Variants in CMSS1 observed in about 807,000 individuals in gnomAD.
CMSS1 encodes cms1 ribosomal small subunit homolog.
A neutral mutation model predicts 43.5 loss-of-function variants in CMSS1; 33 were observed. That is an observed-to-expected ratio of 0.76 (90% CI 0.57 to 1.01). The LOEUF is 1.01. Ranked by LOEUF, CMSS1 falls within the 50% of genes least tolerant of loss-of-function variation. CMSS1 has a pLI of 0.00. For missense variants in CMSS1, 313 were observed against 326.4 expected, an observed-to-expected ratio of 0.96 and a Z score of 0.32; for synonymous variants, 115 against 117.2, an observed-to-expected ratio of 0.98 and a Z score of 0.12.
intron 1 of CMSS1, among the ~76,000 whole-genome samples, chr3:100,004,791 CT>C (rs1709942116): frequency 6.6e-6 from 1 of 152,156 alleles, no homozygotes; most frequent in African/African-American, 2.4e-5. Context: ...ATTCTGGCTT[CT>C]GAGCTAGTCT....
intron 1 of CMSS1, among the ~76,000 whole-genome samples, chr3:99,886,504 G>A (rs1705902286): frequency 6.6e-6 from 1 of 152,168 alleles, no homozygotes; most frequent in African/African-American, 2.4e-5. Context: ...TGGGTCACTT[G>A]CAACCCATGG....
At chr3:99,978,724 G>A (rs181344269) in intron 1 of CMSS1, among the ~76,000 whole-genome samples, 5 of 152,112 alleles carry the variant, frequency 3.3e-5, no homozygotes, top group East Asian at 1.9e-4. Flanking sequence ...GCAAAACCCC[G>A]CCTCTTCTAA....
chr3:100,132,952 G>C (rs1219408331), intron 1 of CMSS1, among the ~76,000 whole-genome samples: 1 of 151,818 alleles, frequency 6.6e-6, no homozygotes, highest in Non-Finnish European at 1.5e-5. Flanking sequence ...ACTGGGGTGT[G>C]ATAAAAACAT....
intron 1 of CMSS1, chr3:100,114,659 C>A: frequency 4.4e-6 from 1 of 229,882 alleles, no homozygotes; most frequent in Non-Finnish European, 8.4e-6. Context: ...ACTTCCCAAG[C>A]ACAACCTGGG....
At chr3:99,888,936 G>A (rs1249381562) in intron 1 of CMSS1, among the ~76,000 whole-genome samples, 2 of 152,076 alleles carry the variant, frequency 1.3e-5, no homozygotes, top group East Asian at 3.9e-4. Flanking sequence ...TTAGGTAGAG[G>A]AAGAGCATCT....
At chr3:100,064,923 G>T (rs2065637928) in intron 1 of CMSS1, among the ~76,000 whole-genome samples, 1 of 152,194 alleles carries the variant, frequency 6.6e-6, no homozygotes, top group Admixed American at 6.5e-5. Context: ...AACATGTATT[G>T]CTGTTGCTGC....
intron 1 of CMSS1, among the ~76,000 whole-genome samples, chr3:100,106,886 A>G (rs957373318): frequency 6.6e-6 from 1 of 152,202 alleles, no homozygotes; most frequent in African/African-American, 2.4e-5. Flanking sequence ...CAGAAAGTTA[A>G]TAAGATAACA....
chr3:99,991,962 GTATA>G (rs896781734), intron 1 of CMSS1, among the ~76,000 whole-genome samples: 4 of 147,086 alleles, frequency 2.7e-5, no homozygotes, highest in African/African-American at 1.0e-4. Flanking sequence ...ATATATGTGT[GTATA>G]TATACACACA....
At chr3:100,114,597 C>T (rs2066540953) in intron 1 of CMSS1, 2 of 183,592 alleles carry the variant, frequency 1.1e-5, no homozygotes, top group Non-Finnish European at 2.3e-5. Context: ...AACTCTGAAA[C>T]ACCCTCTTAG....
chr3:100,021,737 C>A (rs989899524), intron 1 of CMSS1, among the ~76,000 whole-genome samples: 1 of 152,090 alleles, frequency 6.6e-6, no homozygotes, highest in Non-Finnish European at 1.5e-5. Flanking sequence ...GTAAAGGGAA[C>A]CTCCCCTTCC....
At chr3:99,851,284 T>C (rs879741794) in intron 1 of CMSS1, among the ~76,000 whole-genome samples, 19 of 152,228 alleles carry the variant, frequency 1.2e-4, no homozygotes, top group Admixed American at 1.2e-3. Context: ...CAGTAACAGC[T>C]GCATTTCACC....
intron 1 of CMSS1, among the ~76,000 whole-genome samples, chr3:99,837,516 A>G (rs1942951275): frequency 6.6e-6 from 1 of 152,042 alleles, no homozygotes; most frequent in Non-Finnish European, 1.5e-5. Flanking sequence ...AGTTGTTTGA[A>G]GAGTGTCTGT....
intron 1 of CMSS1, among the ~76,000 whole-genome samples, chr3:100,128,228 A>G (rs1297328171): frequency 6.6e-6 from 1 of 152,214 alleles, no homozygotes; most frequent in East Asian, 1.9e-4. Context: ...CTACCCTTCA[A>G]CATCCTCTTG....
At chr3:100,027,924 G>C (rs1285922479) in intron 1 of CMSS1, among the ~76,000 whole-genome samples, 3 of 152,154 alleles carry the variant, frequency 2.0e-5, no homozygotes, top group Admixed American at 2.0e-4. Flanking sequence ...TTGGAGAGTA[G>C]ACAGGGCCAA....
intron 1 of CMSS1, among the ~76,000 whole-genome samples, chr3:99,896,526 C>G (rs1417585523): frequency 6.6e-6 from 1 of 151,968 alleles, no homozygotes; most frequent in Non-Finnish European, 1.5e-5. Context: ...GAAAGGTTCC[C>G]AAAAGAGAAC....
chr3:100,013,467 C>T (rs1710227239), intron 1 of CMSS1, among the ~76,000 whole-genome samples: 1 of 151,922 alleles, frequency 6.6e-6, no homozygotes, highest in South Asian at 2.1e-4. Flanking sequence ...TGGTCTCAAA[C>T]TCCTGACCTC....
intron 1 of CMSS1, among the ~76,000 whole-genome samples, chr3:99,827,615 T>A (rs576184302): frequency 1.3e-5 from 2 of 152,344 alleles, no homozygotes; most frequent in South Asian, 2.1e-4. Flanking sequence ...TTTTCTTTTT[T>A]TAATTTGAGA....
In CMSS1 at chr3:99,833,314, A is replaced by G. The variant is rs561322827; in HGVS notation, c.64+15271A>G. 2.7e-6 allele frequency: 4 copies of G among 1,483,590 alleles called. No homozygotes were observed. The African/African-American group carries it at 5.6e-5, about 21-fold the overall frequency. 91.9% of individuals were successfully genotyped at this position (1,483,590 alleles called of 1,614,324 possible). On this transcript the variant is annotated intron_variant, in intron 1 of 9. Coordinates refer to ENST00000421999, the MANE Select transcript of CMSS1 (RefSeq NM_032359.4). ...AAATTTGTGGAATATATTAAATTCTAAAAGTGTTGGTTTGTTTTATCCATA... is the reference window on the plus strand; with the variant it reads ...AAATTTGTGGAATATATTAAATTCTGAAAGTGTTGGTTTGTTTTATCCATA...
At position 100,104,970 on chromosome 3, in the gene CMSS1, G is replaced by A. The variant is rs553900600; in HGVS notation, c.65-42003G>A. On this transcript the variant is annotated intron_variant, in intron 1 of 9. Coordinates refer to ENST00000421999, the MANE Select transcript of CMSS1 (RefSeq NM_032359.4). The stretch of plus-strand genomic sequence containing the variant: ...CCTATGCATTAACTCTAATCTTTCT[G>A]TAAAAGTATCTGCCTTTATTTAACT... 8.5e-5 allele frequency among the ~76,000 whole-genome samples: 13 copies of A among 152,148 alleles called. No homozygotes were observed. The South Asian group carries it at 2.7e-3, about 32-fold the overall frequency.
Sources: gnomAD v4.1 joint callset for allele counts (sites outside exome capture counted in the v4.1 genomes callset) on GRCh38, gnomAD v4.1.1 for gene constraint, MANE v1.5 for transcripts, NCBI Gene and HGNC (gene_info 2026-07-23, HGNC 2026-07-21) for gene names.